MPP7: variants seen among roughly 807,000 people sequenced by gnomAD.
MPP7 encodes MAGUK p55 scaffold protein 7.
Under a neutral mutation model 76.5 loss-of-function variants are expected in MPP7, and 60 were observed. That is an observed-to-expected ratio of 0.78 (90% CI 0.64 to 0.97). The LOEUF is 0.97. Among genes scored for constraint, MPP7 ranks in the 50% least tolerant of loss-of-function variants. The pLI is 0.00. For synonymous variants in MPP7, 237 were observed against 244.5 expected (o/e 0.97, Z 0.29); for missense variants, 641 against 694.0 (o/e 0.92, Z 0.86).
intron 11 of MPP7, among the ~76,000 whole-genome samples, chr10:28,101,366 T>C (rs1437617452): frequency 5.9e-5 from 9 of 152,130 alleles, no homozygotes; most frequent in Admixed American, 5.9e-4. Flanking sequence ...ACTGGATTTA[T>C]AAAACATGCA....
In MPP7 at chr10:28,238,610, A is replaced by C; in HGVS notation, c.-6T>G. 6.2e-7 allele frequency: 1 copy of C among 1,614,152 alleles called. No homozygotes were observed. Among genetic ancestry groups the C allele is most frequent in the African/African-American group, 1.3e-5 (1 of 75,060 alleles). On this transcript the variant is annotated 5_prime_UTR_variant, in exon 2 of 17. Transcript: ENST00000683449. The stretch of plus-strand genomic sequence containing the variant: ...CCCGTTGACAAAGCTGGCATGATGC[A>C]AGGTGTAGGAACAGGTCAGCCCACC...
At chr10:28,165,256 T>G (rs1312202525) in intron 3 of MPP7, among the ~76,000 whole-genome samples, 2 of 152,178 alleles carry the variant, frequency 1.3e-5, no homozygotes, top group African/African-American at 2.4e-5. Flanking sequence ...TTGGGCACTG[T>G]GGCTCACTCC....
At chr10:28,093,105 G>A (rs970999441) in intron 11 of MPP7, among the ~76,000 whole-genome samples, 4 of 152,038 alleles carry the variant, frequency 2.6e-5, no homozygotes, top group African/African-American at 9.7e-5. Context: ...TGATACATGA[G>A]CTACTCTAAC....
chr10:28,212,724 C>A (rs552415105), intron 2 of MPP7, among the ~76,000 whole-genome samples: 1 of 152,156 alleles, frequency 6.6e-6, no homozygotes, highest in Non-Finnish European at 1.5e-5. Flanking sequence ...AATCTCACGT[C>A]CTAGAAAGAG....
chr10:28,138,964 T>C (rs1323197100), intron 5 of MPP7, among the ~76,000 whole-genome samples: 1 of 152,216 alleles, frequency 6.6e-6, no homozygotes, highest in African/African-American at 2.4e-5. Flanking sequence ...CTGTGTATCA[T>C]GAAGTGTGGC....
chr10:28,181,473 A>G (rs920101379), intron 3 of MPP7, among the ~76,000 whole-genome samples: 10 of 152,252 alleles, frequency 6.6e-5, no homozygotes, highest in Admixed American at 6.5e-4. Flanking sequence ...AAATCAAACT[A>G]CATTCATCAA....
chr10:28,307,179 C>A (rs1841263657), upstream of MPP7, among the ~76,000 whole-genome samples: 1 of 152,202 alleles, frequency 6.6e-6, no homozygotes, highest in Non-Finnish European at 1.5e-5. Flanking sequence ...TTTCTAGTTA[C>A]TGAAAGTCTT....
chr10:28,176,333 T>A (rs1179714021), intron 3 of MPP7, among the ~76,000 whole-genome samples: 1 of 149,292 alleles, frequency 6.7e-6, no homozygotes, highest in Non-Finnish European at 1.5e-5. Flanking sequence ...CCCAGTGCAG[T>A]TGGGTCAAAA....
chr10:28,150,676 T>G (rs563529154), intron 3 of MPP7, among the ~76,000 whole-genome samples: 2 of 152,274 alleles, frequency 1.3e-5, no homozygotes, highest in Non-Finnish European at 2.9e-5. Flanking sequence ...GAAGGGATTT[T>G]TCATAACTAG....
intron 2 of MPP7, among the ~76,000 whole-genome samples, chr10:28,237,979 T>G (rs1319620536): frequency 6.6e-6 from 1 of 152,048 alleles, no homozygotes; most frequent in Non-Finnish European, 1.5e-5. Context: ...GTGTGTTAGT[T>G]TTTTTTTCCT....
At chr10:28,228,935 G>A in intron 2 of MPP7, among the ~76,000 whole-genome samples, 1 of 152,088 alleles carries the variant, frequency 6.6e-6, no homozygotes, top group Non-Finnish European at 1.5e-5. Context: ...GATGGCTGAT[G>A]GAAAGACCAA....
chr10:28,216,885 C>T (rs555021668), intron 2 of MPP7, among the ~76,000 whole-genome samples: 14 of 151,126 alleles, frequency 9.3e-5, no homozygotes, highest in East Asian at 3.9e-4. Context: ...TTTGGCAGAA[C>T]GAAAACTTGG....
intron 12 of MPP7, among the ~76,000 whole-genome samples, chr10:28,088,916 C>T (rs1853150665): frequency 6.6e-6 from 1 of 152,156 alleles, no homozygotes; most frequent in Non-Finnish European, 1.5e-5. Flanking sequence ...CGCTCTGTCA[C>T]CCAGGCTGGA....
At chr10:28,259,387 T>C (rs1020409930) in intron 1 of MPP7, among the ~76,000 whole-genome samples, 6 of 151,934 alleles carry the variant, frequency 3.9e-5, no homozygotes, top group Non-Finnish European at 7.4e-5. Flanking sequence ...GAGACCAGCC[T>C]GGGCAACATG....
intron 3 of MPP7, among the ~76,000 whole-genome samples, chr10:28,178,832 T>A (rs1052181983): frequency 6.6e-6 from 1 of 152,108 alleles, no homozygotes; most frequent in African/African-American, 2.4e-5. Flanking sequence ...GAGACTAAGA[T>A]GTTACAAAAA....
chr10:28,052,009 A>G lies in MPP7; in HGVS notation c.*2056T>C, dbSNP rs1414025799. 2 of 152,108 alleles carry G rather than the reference A, an allele frequency of 1.3e-5. No homozygotes were observed. The highest frequency in any genetic ancestry group is 4.8e-5 in the African/African-American group (2 of 41,430). 9.4% of individuals were successfully genotyped at this position (152,108 alleles called of 1,614,324 possible). ...AAGGTCTGGACCTTTCTTTTTTAAA[A>G]TGTTATATTTTTATAACATCTTATT... On this transcript the variant is annotated 3_prime_UTR_variant, in exon 17 of 17. Transcript: ENST00000683449.
At chr10:28,202,312 G>GTA (rs1462533192) in intron 2 of MPP7, 41 bp from the exon 3 acceptor site, 2 of 1,414,678 alleles carry the variant, frequency 1.4e-6, no homozygotes. Context: ...ATCTTAGAGT[G>GTA]ATCTCATTAA....
chr10:28,220,239 C>T (rs1281594094), intron 2 of MPP7, among the ~76,000 whole-genome samples: 2 of 152,102 alleles, frequency 1.3e-5, no homozygotes, highest in African/African-American at 4.8e-5. Flanking sequence ...GTCTGTAGCT[C>T]TGCACAAAGT....
chr10:28,108,561 G>A (rs1665989462), intron 11 of MPP7, among the ~76,000 whole-genome samples: 1 of 152,066 alleles, frequency 6.6e-6, no homozygotes, highest in African/African-American at 2.4e-5. Flanking sequence ...CGAGGCTGAG[G>A]TGGGAGGATG....
Sources: gnomAD v4.1 joint callset for allele counts (sites outside exome capture counted in the v4.1 genomes callset) on GRCh38, gnomAD v4.1.1 for gene constraint, MANE v1.5 for transcripts, NCBI Gene and HGNC (gene_info 2026-07-23, HGNC 2026-07-21) for gene names.